The following CFAP43 variants were observed in gnomAD, a reference collection of about 807,000 sequenced individuals.
CFAP43 encodes cilia- and flagella-associated protein 43.
CFAP43 carries 155 observed loss-of-function variants against 218.9 expected under a neutral mutation model. The ratio of observed to expected loss-of-function variants is 0.71; its 90% CI spans 0.62 to 0.81. The LOEUF (loss-of-function observed/expected upper bound fraction) is 0.81, where lower values mean the gene tolerates loss of function less well. CFAP43 is among the 30% of genes least tolerant of loss of function. The pLI, the probability that CFAP43 is intolerant of heterozygous loss-of-function variation, is 0.00. For synonymous variants in CFAP43, 645 were observed against 681.3 expected, an observed-to-expected ratio of 0.95 and a Z score of 0.83; for missense variants, 1,778 against 1,954.3, an observed-to-expected ratio of 0.91 and a Z score of 1.70.
At chr10:104,213,256 C>A (rs544049845) in intron 4 of CFAP43, among the ~76,000 whole-genome samples, 1 of 152,070 alleles carries the variant, frequency 6.6e-6, no homozygotes, top group Non-Finnish European at 1.5e-5. Flanking sequence ...TCTCTTAAGG[C>A]GATTTATCAA....
At chr10:104,210,952 G>A (rs929937006) in intron 5 of CFAP43, among the ~76,000 whole-genome samples, 1 of 151,632 alleles carries the variant, frequency 6.6e-6, no homozygotes, top group Non-Finnish European at 1.5e-5. Context: ...CACCATGCCC[G>A]GCTAATTTTT....
chr10:104,140,031 A>G (rs1225975830), intron 34 of CFAP43, among the ~76,000 whole-genome samples: 1 of 152,232 alleles, frequency 6.6e-6, no homozygotes, highest in Non-Finnish European at 1.5e-5. Flanking sequence ...ATCAAATAGG[A>G]AGTCACAACA....
chr10:104,194,140 G>T, intron 10 of CFAP43, 126 bp from the exon 11 acceptor site: 3 of 1,122,132 alleles, frequency 2.7e-6, no homozygotes, highest in Non-Finnish European at 3.8e-6. Flanking sequence ...GTGTGGTGGG[G>T]TCTTTCAAAT....
At chr10:104,223,206 A>G (rs1205719665) in intron 3 of CFAP43, among the ~76,000 whole-genome samples, 1 of 152,226 alleles carries the variant, frequency 6.6e-6, no homozygotes, top group Admixed American at 6.5e-5. Flanking sequence ...CCATGTGGGA[A>G]TACAGGTCCA....
chr10:104,213,964 A>G (rs1204071194), intron 4 of CFAP43, among the ~76,000 whole-genome samples: 2 of 152,204 alleles, frequency 1.3e-5, no homozygotes, highest in Non-Finnish European at 2.9e-5. Flanking sequence ...GGACAAATAA[A>G]ATTTTAGAAA....
At chr10:104,216,600 C>T (rs577541683) in intron 3 of CFAP43, among the ~76,000 whole-genome samples, 39 of 152,260 alleles carry the variant, frequency 2.6e-4, no homozygotes, top group Admixed American at 5.9e-4. Flanking sequence ...AAGCTTCAAT[C>T]GATGGGATAC....
chr10:104,175,905 A>AT (rs2089613211), intron 19 of CFAP43, among the ~76,000 whole-genome samples: 1 of 152,238 alleles, frequency 6.6e-6, no homozygotes, highest in Non-Finnish European at 1.5e-5. Context: ...ATACATACTT[A>AT]TATATATACT....
chr10:104,201,597 T>C (rs2090534634), intron 8 of CFAP43, among the ~76,000 whole-genome samples: 1 of 152,164 alleles, frequency 6.6e-6, no homozygotes, highest in African/African-American at 2.4e-5. Flanking sequence ...CACTTTATTC[T>C]ATATACCCTG....
intron 31 of CFAP43, among the ~76,000 whole-genome samples, chr10:104,143,890 G>A (rs921142493): frequency 6.6e-6 from 1 of 152,312 alleles, no homozygotes; most frequent in Middle Eastern, 3.4e-3. Context: ...ACAGACAATT[G>A]TGTCTGTGCT....
rs1037990029 is a variant in CFAP43, at chr10:104,172,399, C to G, written c.2586+11G>C. ...ATAACTTTATGGTGCTTAAATTATA[C>G]TTTTTCATACCTTTGCCACTTCTTC... On this transcript the variant is annotated intron_variant, in intron 20 of 37. Coordinates refer to ENST00000357060, the MANE Select transcript of CFAP43 (RefSeq NM_025145.7). The G allele has an allele frequency of 6.2e-7, 1 of 1,603,416 alleles. No homozygotes were observed. Among genetic ancestry groups the G allele is most frequent in the Non-Finnish European group, 8.5e-7 (1 of 1,177,444 alleles).
chr10:104,205,108 G>C (rs2090641184), intron 7 of CFAP43, among the ~76,000 whole-genome samples: 1 of 151,006 alleles, frequency 6.6e-6, no homozygotes, highest in Non-Finnish European at 1.5e-5. Flanking sequence ...AGCTACTCGG[G>C]AGGCTGAGGC....
chr10:104,148,383 A>G (rs1209031742), intron 28 of CFAP43, among the ~76,000 whole-genome samples: 1 of 152,062 alleles, frequency 6.6e-6, no homozygotes, highest in East Asian at 1.9e-4. Flanking sequence ...TTTTTATTAT[A>G]TATTGTGTTT....
chr10:104,221,413 T>C (rs1253191745), intron 3 of CFAP43, among the ~76,000 whole-genome samples: 3 of 152,116 alleles, frequency 2.0e-5, no homozygotes, highest in Non-Finnish European at 4.4e-5. Flanking sequence ...AGTGATCAGG[T>C]CAAGGGTGCA....
Position 104,167,685 on chromosome 10 carries a change from A to T in CFAP43, c.2744T>A (p.Val915Asp), listed in dbSNP as rs200639556. The T allele has an allele frequency of 6.2e-7, 1 of 1,612,504 alleles. No individual in the cohort carries two copies. Among genetic ancestry groups the T allele is most frequent in the East Asian group, 2.2e-5 (1 of 44,836 alleles). The change falls in exon 22 of 38, where the codon GTT (valine) becomes GAT (aspartate). Residue 915 changes from valine to aspartate, a missense_variant. Val to Asp is a radical substitution (Grantham distance 152). Transcript: ENST00000357060. The stretch of plus-strand genomic sequence containing the variant: ...TCTTTCCAATTCTTTCAGCTCTTCA[A>T]CCGTGCGCGCTTTCATCGGGAAGTT... The part of the protein sequence containing the change: ...VENFPMKART[V>D]EELKELERVL...
At chr10:104,209,423 A>T (rs148470307) in intron 5 of CFAP43, among the ~76,000 whole-genome samples, 2,016 of 152,340 alleles carry the variant, frequency 0.013, 27 homozygotes, top group African/African-American at 0.046. Context: ...CTGCCCAGAC[A>T]ATATATCCAC....
chr10:104,133,717 A>G lies in CFAP43; in HGVS notation c.4499T>C (p.Ile1500Thr). ...CTCCATTTTCTTATGTTCCCACTCA[A>G]TCTGAAGTATTCTTTTGTGTACATC... ...SKDVHKRILQ[I>T]EWEHKKMEME... Residue 1500 changes from isoleucine (I) to threonine (T), a missense_variant, in exon 35 of 38, where the codon ATT becomes ACT. Transcript: ENST00000357060. 4 of 1,613,748 alleles carry G rather than the reference A, an allele frequency of 2.5e-6. No homozygotes were observed. The highest frequency in any genetic ancestry group is 3.4e-6 in the Non-Finnish European group (4 of 1,179,868).
At chr10:104,160,346 G>C (rs537186912) in intron 27 of CFAP43, among the ~76,000 whole-genome samples, 1 of 152,322 alleles carries the variant, frequency 6.6e-6, no homozygotes, top group Non-Finnish European at 1.5e-5. Context: ...AATGTGGACA[G>C]GTTCACAACA....
intron 3 of CFAP43, among the ~76,000 whole-genome samples, chr10:104,216,582 G>T (rs1356147606): frequency 6.6e-6 from 1 of 152,100 alleles, no homozygotes; most frequent in Non-Finnish European, 1.5e-5. Context: ...TTACCACCCT[G>T]TGCAGTGAAG....
At chr10:104,147,750 G>A in intron 29 of CFAP43, 141 bp downstream of exon 29, 1 of 459,618 alleles carries the variant, frequency 2.2e-6, no homozygotes, top group Admixed American at 4.2e-5. Context: ...CAAAGTTCCA[G>A]ACAGGGAGCC....
Sources: gnomAD v4.1 joint callset for allele counts (sites outside exome capture counted in the v4.1 genomes callset) on GRCh38, gnomAD v4.1.1 for gene constraint, MANE v1.5 for transcripts, NCBI Gene and HGNC (gene_info 2026-07-23, HGNC 2026-07-21) for gene names.